ADRA1B: variants seen among roughly 807,000 people sequenced by gnomAD.
ADRA1B encodes the protein alpha-1B adrenergic receptor.
A neutral mutation model predicts 17.9 loss-of-function variants in ADRA1B; 17 were observed. That is an observed-to-expected ratio of 0.95 (90% confidence interval 0.65 to 1.42). The LOEUF is 1.42. ADRA1B is among the 40% of genes most tolerant of loss of function. ADRA1B has a pLI of 0.00. For missense variants in ADRA1B, 681 were observed against 722.1 expected (o/e 0.94, Z 0.65); for synonymous variants, 366 against 327.6 (o/e 1.12, Z -1.27).
At chr5:159,962,304 T>G (rs1755678717) in intron 1 of ADRA1B, among the ~76,000 whole-genome samples, 1 of 152,202 alleles carries the variant, frequency 6.6e-6, no homozygotes, top group Non-Finnish European at 1.5e-5. Context: ...ACGAGGGGGC[T>G]GCTGGGGGCT....
Position 159,933,490 on chromosome 5 carries a change from G to T in ADRA1B, c.949+15636G>T, listed in dbSNP as rs77876538. ...TTATGCTGATAGCGTCTCACTGCCT[G>T]AGGCACAAGAAGTTTCAGGCATCTA... On this transcript the variant is annotated intron_variant, in intron 1 of 1. Coordinates refer to ENST00000306675, the MANE Select transcript of ADRA1B (RefSeq NM_000679.4). Among the ~76,000 whole-genome samples, 6 of 152,350 alleles carry T rather than the reference G, an allele frequency of 3.9e-5. No homozygotes were observed. The South Asian group carries it at 1.2e-3, about 32-fold the overall frequency.
intron 1 of ADRA1B, among the ~76,000 whole-genome samples, chr5:159,963,871 C>T (rs1432400817): frequency 1.3e-5 from 2 of 152,296 alleles, no homozygotes; most frequent in East Asian, 3.9e-4. Flanking sequence ...AGCCTTTGAC[C>T]CTTGCACTTC....
intron 1 of ADRA1B, among the ~76,000 whole-genome samples, chr5:159,865,720 C>T (rs1014345097): frequency 2.6e-5 from 4 of 152,176 alleles, no homozygotes; most frequent in Admixed American, 6.5e-5. Context: ...ATCCCTTTTA[C>T]GACATGCTTG....
At chr5:159,901,887 C>T (rs755684631) in intron 1 of ADRA1B, among the ~76,000 whole-genome samples, 55 of 152,234 alleles carry the variant, frequency 3.6e-4, no homozygotes, top group African/African-American at 3.4e-4. Context: ...GGAAGCCTTG[C>T]ACACTGTTGG....
chr5:159,878,884 G>A (rs1033018618), intron 1 of ADRA1B, among the ~76,000 whole-genome samples: 2 of 152,186 alleles, frequency 1.3e-5, no homozygotes, highest in African/African-American at 4.8e-5. Flanking sequence ...CTTGGTGCCA[G>A]GAGTGCCAGA....
At chr5:159,942,122 C>T (rs1224355600) in intron 1 of ADRA1B, among the ~76,000 whole-genome samples, 1 of 151,990 alleles carries the variant, frequency 6.6e-6, no homozygotes, top group African/African-American at 2.4e-5. Flanking sequence ...TGGGGTTTCA[C>T]GGTGTTAGCC....
intron 1 of ADRA1B, among the ~76,000 whole-genome samples, chr5:159,962,981 T>C (rs1755706394): frequency 6.9e-6 from 1 of 145,072 alleles, no homozygotes; most frequent in South Asian, 2.3e-4. Flanking sequence ...CCCAGGTTGT[T>C]CTCAAACTCC....
intron 1 of ADRA1B, among the ~76,000 whole-genome samples, chr5:159,964,711 G>C (rs1755742463): frequency 6.6e-6 from 1 of 152,160 alleles, no homozygotes; most frequent in African/African-American, 2.4e-5. Context: ...GAACCACGTG[G>C]AGACCATAAT....
At chr5:159,889,720 T>C (rs1753961962) in intron 1 of ADRA1B, among the ~76,000 whole-genome samples, 1 of 152,182 alleles carries the variant, frequency 6.6e-6, no homozygotes, top group Admixed American at 6.5e-5. Flanking sequence ...ACTAAACAGG[T>C]TCTGTCATGT....
chr5:159,948,282 C>G, intron 1 of ADRA1B: 2 of 985,446 alleles, frequency 2.0e-6, no homozygotes, highest in South Asian at 9.4e-5. Flanking sequence ...CCTTTTCACA[C>G]ATGCTATGCA....
chr5:159,950,490 G>C, intron 1 of ADRA1B: 1 of 1,456,762 alleles, frequency 6.9e-7, no homozygotes, highest in Non-Finnish European at 9.5e-7. Context: ...TGGTCCAGGG[G>C]TGTTACTCCT....
rs879727565 is a variant in ADRA1B at position 159,954,032 on chromosome 5, GAA to G, written c.950-17844_950-17843del. On this transcript the variant is annotated intron_variant, in intron 1 of 1. Transcript: ENST00000306675. ...AATGCTCGCCTGAAAAGAGACATAA[GAA>G]AAGTGACAAAAGACATTTATATGAA... Among the ~76,000 whole-genome samples, 6 of 152,292 alleles carry G rather than the reference GAA, an allele frequency of 3.9e-5. No homozygotes were observed. The East Asian group carries it at 1.2e-3, about 29-fold the overall frequency.
intron 1 of ADRA1B, among the ~76,000 whole-genome samples, chr5:159,925,744 TAACTC>T: frequency 6.6e-6 from 1 of 152,346 alleles, no homozygotes; most frequent in South Asian, 2.1e-4. Flanking sequence ...AAATCTGTCT[TAACTC>T]AACTCTTAGC....
intron 1 of ADRA1B, among the ~76,000 whole-genome samples, chr5:159,921,872 C>T (rs1754490336): frequency 6.6e-6 from 1 of 152,142 alleles, no homozygotes; most frequent in Non-Finnish European, 1.5e-5. Context: ...ACAGAGCCAC[C>T]CCGACAAACA....
intron 1 of ADRA1B, among the ~76,000 whole-genome samples, chr5:159,965,384 C>T (rs1218789213): frequency 1.3e-5 from 2 of 152,110 alleles, no homozygotes; most frequent in Admixed American, 6.6e-5. Flanking sequence ...GTTAAAGAGC[C>T]CAGCGCAGCC....
intron 1 of ADRA1B, among the ~76,000 whole-genome samples, chr5:159,881,121 C>T (rs1288670456): frequency 1.4e-5 from 2 of 146,754 alleles, no homozygotes; most frequent in Non-Finnish European, 3.0e-5. Flanking sequence ...TTGCAGTGAG[C>T]CGAGATTGCG....
In ADRA1B at chr5:159,899,240, G is replaced by GAGGAAGGAAGGAAGGAAGGAAGAA. The variant is rs1561585193; in HGVS notation, c.-255-16856_-255-16833dup. ...AAAAGAAGGAAGGGAAGGAGGGAGG[G>GAGGAAGGAAGGAAGGAAGGAAGAA]AGGAAGGAAGGAAGGAAGGAAGAAA... On this transcript the variant is annotated intron_variant, in intron 1 of 2. Coordinates refer to the ADRA1B transcript ENST00000641205. 5.5e-3 allele frequency among the ~76,000 whole-genome samples: 575 copies of GAGGAAGGAAGGAAGGAAGGAAGAA among 105,430 alleles called. 9 individuals carry two copies. The highest frequency in any genetic ancestry group is 0.029 in the Middle Eastern group (6 of 210). 69.2% of individuals were successfully genotyped at this position (105,430 alleles called of 152,430 possible).
At chr5:159,893,641 CAGTA>C (rs371095712) in intron 1 of ADRA1B, among the ~76,000 whole-genome samples, 13 of 152,306 alleles carry the variant, frequency 8.5e-5, no homozygotes, top group African/African-American at 2.6e-4. Context: ...TTCAGTCATT[CAGTA>C]AGTATTTCCT....
chr5:159,909,803 T>C (rs1754209632), intron 1 of ADRA1B, among the ~76,000 whole-genome samples: 2 of 152,132 alleles, frequency 1.3e-5, no homozygotes, highest in African/African-American at 4.8e-5. Flanking sequence ...ACAGAGAGGC[T>C]CCTCAAACAA....
Sources: gnomAD v4.1 joint callset for allele counts (sites outside exome capture counted in the v4.1 genomes callset) on GRCh38, gnomAD v4.1.1 for gene constraint, MANE v1.5 for transcripts, NCBI Gene and HGNC (gene_info 2026-07-23, HGNC 2026-07-21) for gene names.